The following B4GALNT3 variants were observed in gnomAD, a reference collection of about 807,000 sequenced individuals.
The protein encoded by B4GALNT3 is beta-1,4-N-acetyl-galactosaminyltransferase 3, also known as beta-1,4-N-acetylgalactosaminyltransferase 3.
Under a neutral mutation model 120.2 loss-of-function variants are expected in B4GALNT3, and 86 were observed. That is an observed-to-expected ratio of 0.72 (90% CI 0.60 to 0.86). The LOEUF (loss-of-function observed/expected upper bound fraction) is 0.86. Ranked by LOEUF, B4GALNT3 falls within the 40% of genes least tolerant of loss-of-function variation. The pLI is 0.00. For missense variants in B4GALNT3, 1,167 were observed against 1,298.9 expected, an observed-to-expected ratio of 0.90 and a Z score of 1.56; for synonymous variants, 518 against 510.4, an observed-to-expected ratio of 1.01 and a Z score of -0.20.
At chr12:529,196 T>TC (rs1415183940) in intron 1 of B4GALNT3, among the ~76,000 whole-genome samples, 1 of 152,026 alleles carries the variant, frequency 6.6e-6, no homozygotes, top group Admixed American at 6.6e-5. Context: ...TTTCCGCATC[T>TC]CCCCCTGTAG....
Position 545,479 on chromosome 12 carries a change from G to T in B4GALNT3, c.639+10G>T. The stretch of plus-strand genomic sequence containing the variant: ...GGCCAGTGTGGGCAAGGTAAGGCCA[G>T]CTCAACCCCGGTCCCTCCCATCTGC... On this transcript the variant is annotated intron_variant, in intron 6 of 19. Transcript: ENST00000266383. 3 of 1,586,548 alleles carry T rather than the reference G, an allele frequency of 1.9e-6. No individual in the cohort carries two copies. Among genetic ancestry groups the T allele is most frequent in the Non-Finnish European group, 2.6e-6 (3 of 1,166,372 alleles).
intron 1 of B4GALNT3, among the ~76,000 whole-genome samples, chr12:468,838 A>G (rs915718293): frequency 1.3e-5 from 2 of 152,182 alleles, no homozygotes; most frequent in African/African-American, 4.8e-5. Flanking sequence ...AGCAGAGGCT[A>G]TGTGTGTGTC....
Position 467,764 on chromosome 12 carries a change from A to T in B4GALNT3, c.169+7219A>T, listed in dbSNP as rs148074598. Among the ~76,000 whole-genome samples, 314 of 152,344 alleles carry T rather than the reference A, an allele frequency of 2.1e-3. 2 individuals carry two copies. Among genetic ancestry groups the T allele is most frequent in the African/African-American group, 6.7e-3 (277 of 41,596 alleles). The stretch of plus-strand genomic sequence containing the variant: ...TACATAGTAGCCTCTGGAATTCTCC[A>T]GTAGCACCCTGCCAGGGTGGAGTTG... On this transcript the variant is annotated intron_variant, in intron 1 of 19. Transcript: ENST00000266383.
intron 1 of B4GALNT3, among the ~76,000 whole-genome samples, chr12:462,961 C>T (rs1185745423): frequency 1.3e-5 from 2 of 152,080 alleles, no homozygotes; most frequent in African/African-American, 4.8e-5. Context: ...GCTAGCATTC[C>T]CACCTCCACA....
At chr12:497,710 G>A (rs1310645315) in intron 1 of B4GALNT3, among the ~76,000 whole-genome samples, 3 of 152,118 alleles carry the variant, frequency 2.0e-5, no homozygotes, top group Non-Finnish European at 4.4e-5. Context: ...GTTGAGCACC[G>A]AGCCAGGTGG....
intron 2 of B4GALNT3, among the ~76,000 whole-genome samples, chr12:535,510 G>C (rs1021273898): frequency 6.6e-6 from 1 of 152,136 alleles, no homozygotes; most frequent in Non-Finnish European, 1.5e-5. Context: ...CTGGTTTTCT[G>C]GTGTCTGCCC....
chr12:519,570 C>T (rs1270503598), intron 1 of B4GALNT3, among the ~76,000 whole-genome samples: 1 of 151,314 alleles, frequency 6.6e-6, no homozygotes, highest in African/African-American at 2.4e-5. Flanking sequence ...TGGCTCCTTC[C>T]CCAAAGCGTC....
At chr12:472,487 C>T (rs1036709602) in intron 1 of B4GALNT3, among the ~76,000 whole-genome samples, 5 of 143,800 alleles carry the variant, frequency 3.5e-5, no homozygotes, top group African/African-American at 1.1e-4. Context: ...CTCGCTCTTT[C>T]GCCCAGGCTG....
intron 6 of B4GALNT3, among the ~76,000 whole-genome samples, chr12:545,828 TGGGGAGGTGAGGA>T (rs1946995696): frequency 5.5e-5 from 1 of 18,222 alleles, no homozygotes; most frequent in African/African-American, 2.7e-4. Flanking sequence ...GAGCGAGGAG[TGGGGAGGTGAGGA>T]GTGGGGAGGA....
chr12:555,998 T>C (rs1004989337), intron 14 of B4GALNT3, among the ~76,000 whole-genome samples: 1 of 151,458 alleles, frequency 6.6e-6, no homozygotes, highest in African/African-American at 2.4e-5. Context: ...TTAGCCAGGC[T>C]GGTCTTGATC....
chr12:472,614 T>G (rs1471046225), intron 1 of B4GALNT3, among the ~76,000 whole-genome samples: 1 of 152,214 alleles, frequency 6.6e-6, no homozygotes, highest in East Asian at 1.9e-4. Flanking sequence ...ATTTTTTGTA[T>G]TTTTAGTAGA....
At chr12:526,194 G>A (rs147250463) in intron 1 of B4GALNT3, among the ~76,000 whole-genome samples, 1 of 152,160 alleles carries the variant, frequency 6.6e-6, no homozygotes, top group Non-Finnish European at 1.5e-5. Flanking sequence ...ATGTATCACA[G>A]CGGGTAGCAG....
At chr12:546,844 C>G in intron 7 of B4GALNT3, 131 bp downstream of exon 7, 1 of 859,450 alleles carries the variant, frequency 1.2e-6, no homozygotes, top group Admixed American at 2.5e-5. Context: ...CTCCCGGCAA[C>G]CGGGTCTTTG....
chr12:498,665 T>C (rs962220446), intron 1 of B4GALNT3, among the ~76,000 whole-genome samples: 3 of 152,150 alleles, frequency 2.0e-5, no homozygotes, highest in African/African-American at 7.2e-5. Context: ...AAAAGCAGTA[T>C]GTGGGGCGAC....
chr12:481,894 C>G (rs1364952543), intron 1 of B4GALNT3, among the ~76,000 whole-genome samples: 1 of 152,106 alleles, frequency 6.6e-6, no homozygotes, highest in Non-Finnish European at 1.5e-5. Flanking sequence ...CCTCCATCTC[C>G]TCTTTCTAGG....
intron 1 of B4GALNT3, among the ~76,000 whole-genome samples, chr12:490,848 G>A (rs1946333504): frequency 6.6e-6 from 1 of 152,112 alleles, no homozygotes; most frequent in Non-Finnish European, 1.5e-5. Flanking sequence ...TAAACCATCT[G>A]AATAGTCATA....
chr12:464,518 A>T (rs1452546884), intron 1 of B4GALNT3, among the ~76,000 whole-genome samples: 2 of 152,162 alleles, frequency 1.3e-5, no homozygotes, highest in African/African-American at 4.8e-5. Context: ...CTGTAATCCC[A>T]GATACTGGGG....
At chr12:545,606 C>A in intron 6 of B4GALNT3, 137 bp downstream of exon 6, 2 of 834,062 alleles carry the variant, frequency 2.4e-6, no homozygotes, top group African/African-American at 1.7e-5. Flanking sequence ...TCTCCTCCCT[C>A]ACCCCTACCC....
At chr12:495,667 G>A (rs1317928623) in intron 1 of B4GALNT3, among the ~76,000 whole-genome samples, 2 of 152,272 alleles carry the variant, frequency 1.3e-5, no homozygotes, top group East Asian at 1.9e-4. Flanking sequence ...GCCAAACTGC[G>A]TGCCTGAGGG....
Sources: gnomAD v4.1 joint callset for allele counts (sites outside exome capture counted in the v4.1 genomes callset) on GRCh38, gnomAD v4.1.1 for gene constraint, MANE v1.5 for transcripts, NCBI Gene and HGNC (gene_info 2026-07-23, HGNC 2026-07-21) for gene names.